The following AP3D1 variants were observed in gnomAD, a reference collection of about 807,000 sequenced individuals.
The protein encoded by AP3D1 is adaptor related protein complex 3 subunit delta 1, also known as AP-3 complex subunit delta-1.
In AP3D1, 51 loss-of-function variants were observed where a neutral mutation model predicts 147.6. The observed-to-expected ratio is 0.35, with a 90% CI of 0.28 to 0.44. The LOEUF (loss-of-function observed/expected upper bound fraction) is 0.44. Among genes scored for constraint, AP3D1 ranks in the 20% least tolerant of loss-of-function variants. AP3D1 has a pLI of 1.00. For synonymous variants in AP3D1, 760 were observed against 663.0 expected (o/e 1.15, Z -2.25); for missense variants, 1,421 against 1,624.2 (o/e 0.87, Z 2.15).
chr19:2,129,390 G>C lies in AP3D1; in HGVS notation c.660C>G (p.Ser220=). 6.2e-7 allele frequency: 1 copy of C among 1,614,110 alleles called. No individual in the cohort carries two copies. Among genetic ancestry groups the C allele is most frequent in the Non-Finnish European group, 8.5e-7 (1 of 1,180,006 alleles). The change falls in exon 7 of 32, where the codon TCC becomes TCG. Residue 220 remains serine, a synonymous_variant. Coordinates refer to ENST00000643116, the MANE Select transcript of AP3D1 (RefSeq NM_001261826.3). ...TCAGCTTGAAAAAGAGCGGGGCCAG[G>C]GACAGGTAGTTCTTAGGGTTGCGTC... is the stretch of plus-strand genomic sequence containing the variant. ...LARRNPKNYL[S]LAPLFFKLMT... is the part of the protein sequence containing the mutation.
chr19:2,157,692 TCCACCCATCCACCCACCCATCAACCAAC>T (rs1424471327), intron 1 of AP3D1, among the ~76,000 whole-genome samples: 1 of 120,512 alleles, frequency 8.3e-6, no homozygotes, highest in African/African-American at 3.1e-5. Flanking sequence ...TCCATCCCCA[TCCACCCATCCACCCACCCATCAACCAAC>T]CCACCCATCC....
chr19:2,109,490 G>A (rs544903197), intron 29 of AP3D1: 4 of 502,732 alleles, frequency 8.0e-6, no homozygotes, highest in African/African-American at 1.9e-5. Flanking sequence ...GGAAGGGACT[G>A]GGGGGATAGG....
At chr19:2,123,968 G>A (rs1016610623) in intron 9 of AP3D1, 89 bp from the exon 10 acceptor site, 15 of 1,388,570 alleles carry the variant, frequency 1.1e-5, no homozygotes, top group Non-Finnish European at 1.5e-5. Context: ...GCACCCCCTC[G>A]CCGGGAGGAG....
At chr19:2,140,584 T>TC (rs1434711598) in intron 1 of AP3D1, among the ~76,000 whole-genome samples, 1 of 150,862 alleles carries the variant, frequency 6.6e-6, no homozygotes, top group Non-Finnish European at 1.5e-5. Flanking sequence ...CAAGTGATCC[T>TC]CCCCGCTAGC....
At chr19:2,123,989 G>C in intron 9 of AP3D1, 110 bp from the exon 10 acceptor site, 1 of 1,246,420 alleles carries the variant, frequency 8.0e-7, no homozygotes, top group Non-Finnish European at 1.1e-6. Flanking sequence ...GGATGGGAGG[G>C]AGGACAGAAA....
intron 7 of AP3D1, 36 bp downstream of exon 7, chr19:2,129,282 C>G (rs2018865808): frequency 6.2e-7 from 1 of 1,613,654 alleles, no homozygotes. Flanking sequence ...ATGCCCCACA[C>G]AGGGTGAGGA....
chr19:2,139,479 C>G (rs992541254), intron 1 of AP3D1, among the ~76,000 whole-genome samples: 2 of 152,172 alleles, frequency 1.3e-5, no homozygotes, highest in Admixed American at 1.3e-4. Context: ...CTGACCCAAG[C>G]GAACTCAGGC....
chr19:2,112,988 G>A, intron 23 of AP3D1, 21 bp from the exon 24 acceptor site: 1 of 1,589,108 alleles, frequency 6.3e-7, no homozygotes. Flanking sequence ...CCAGGGCTTG[G>A]GGCTCATGCT....
rs955605373 is a variant in AP3D1 at position 2,118,939 on chromosome 19, G to A, written c.1482-107C>T. On this transcript the variant is annotated intron_variant, in intron 14 of 31. Coordinates refer to ENST00000643116, the MANE Select transcript of AP3D1 (RefSeq NM_001261826.3). ...GCTCGTCACCAACAAGGTGACTCTG[G>A]GCCCTTCCCATTCCCTGAGCGGTCT... The A allele has an allele frequency of 5.7e-6, 6 of 1,060,068 alleles. No individual in the cohort carries two copies. In the East Asian group the frequency reaches 1.3e-4, roughly 23 times the overall value. 65.7% of individuals were successfully genotyped at this position (1,060,068 alleles called of 1,614,324 possible). A position where few individuals can be genotyped will look rare whatever the true frequency, so the allele number is the denominator to read the frequency against.
chr19:2,149,913 A>G (rs535631373), intron 1 of AP3D1, among the ~76,000 whole-genome samples: 5 of 152,354 alleles, frequency 3.3e-5, no homozygotes, highest in African/African-American at 9.6e-5. Flanking sequence ...TTCAACTCAC[A>G]AAGAATCTGA....
chr19:2,139,439 CGT>C (rs904470241), intron 1 of AP3D1, among the ~76,000 whole-genome samples: 11 of 152,190 alleles, frequency 7.2e-5, no homozygotes, highest in Admixed American at 1.3e-4. Flanking sequence ...ACTAACTGCG[CGT>C]GTCTCCAGAA....
intron 29 of AP3D1, 25 bp downstream of exon 29, chr19:2,109,848 A>G (rs2018217501): frequency 6.2e-7 from 1 of 1,609,730 alleles, no homozygotes; most frequent in Non-Finnish European, 8.5e-7. Flanking sequence ...GTTCGGGGAC[A>G]TAGGGGAGTG....
At position 2,115,367 on chromosome 19, in the gene AP3D1, C is replaced by G; in HGVS notation, c.2201G>C (p.Arg734Pro). The G allele has an allele frequency of 6.2e-7, 1 of 1,607,000 alleles. No individual in the cohort carries two copies. Among genetic ancestry groups the G allele is most frequent in the Non-Finnish European group, 8.5e-7 (1 of 1,179,862 alleles). The change falls in exon 20 of 32, where the codon CGG becomes CCG. Residue 734 changes from arginine (R) to proline (P), a missense_variant. Coordinates refer to ENST00000643116, the MANE Select transcript of AP3D1 (RefSeq NM_001261826.3). ...CCTCTTGTCCTTCTCCAGCTTCTGC[C>G]GGTGCCGCCGCTCCTCCTCCAGCTT... ...YVKLEEERRH[R>P]QKLEKDKRRK...
intron 22 of AP3D1, among the ~76,000 whole-genome samples, chr19:2,113,802 C>T (rs1456319676): frequency 6.6e-6 from 1 of 152,238 alleles, no homozygotes; most frequent in Non-Finnish European, 1.5e-5. Flanking sequence ...TGCACACAGA[C>T]ACTGCAGAAA....
At position 2,115,512 on chromosome 19, in the gene AP3D1, G is replaced by A. The variant is rs181649921; in HGVS notation, c.2149+26C>T. 4.5e-4 allele frequency: 731 copies of A among 1,611,846 alleles called. 7 individuals carry two copies. The African/African-American group carries it at 8.3e-3, about 18-fold the overall frequency. ...ACCCCACAGCCCATGTGACAAATGC[G>A]GCGCCGACACACCGGAGACACTTGC... On this transcript the variant is annotated intron_variant, in intron 19 of 31. Transcript: ENST00000643116.
intron 1 of AP3D1, among the ~76,000 whole-genome samples, chr19:2,140,891 T>G (rs2019203222): frequency 6.6e-6 from 1 of 151,438 alleles, no homozygotes; most frequent in Non-Finnish European, 1.5e-5. Flanking sequence ...CCTGAGTAGC[T>G]AGGATTACAG....
chr19:2,121,882 G>A lies in AP3D1; in HGVS notation c.956-3C>T, dbSNP rs1456905690. On this transcript the variant is annotated splice_polypyrimidine_tract_variant and splice_region_variant and intron_variant, in intron 11 of 31. Coordinates refer to ENST00000643116, the MANE Select transcript of AP3D1 (RefSeq NM_001261826.3). ...TGCCAGCAGCCCCAGGTACTTCACT[G>A]CAGAGAGAGGCCAGAGCCGGGTCAC... 6.2e-6 allele frequency: 10 copies of A among 1,601,614 alleles called. No homozygotes were observed. Among genetic ancestry groups the A allele is most frequent in the Admixed American group, 1.8e-5 (1 of 56,918 alleles).
At chr19:2,152,105 A>G (rs1406156459), upstream of AP3D1, among the ~76,000 whole-genome samples, 2 of 152,212 alleles carry the variant, frequency 1.3e-5, no homozygotes, top group Non-Finnish European at 2.9e-5. Flanking sequence ...AGACAGGACT[A>G]CGACATTGTC....
chr19:2,128,267 C>T (rs973241229), intron 8 of AP3D1, among the ~76,000 whole-genome samples: 6 of 152,100 alleles, frequency 3.9e-5, no homozygotes, highest in African/African-American at 4.8e-5. Context: ...CCTTGCAGTG[C>T]GGAGACCCAC....
Sources: gnomAD v4.1 joint callset for allele counts (sites outside exome capture counted in the v4.1 genomes callset) on GRCh38, gnomAD v4.1.1 for gene constraint, MANE v1.5 for transcripts, NCBI Gene and HGNC (gene_info 2026-07-23, HGNC 2026-07-21) for gene names.